IMMP2L: variants seen among roughly 807,000 people sequenced by gnomAD.
IMMP2L encodes the protein inner mitochondrial membrane peptidase subunit 2, also known as mitochondrial inner membrane protease subunit 2.
Under a neutral mutation model 19.3 loss-of-function variants are expected in IMMP2L, and 18 were observed. The ratio of observed to expected loss-of-function variants is 0.93; its 90% CI spans 0.64 to 1.38. The LOEUF (loss-of-function observed/expected upper bound fraction) is 1.38, where lower values mean the gene tolerates loss of function less well. IMMP2L is among the 40% of genes most tolerant of loss of function. The probability of loss-of-function intolerance (pLI) is 0.00; values close to 1 mark genes in which losing one functional copy is unlikely to be tolerated. For synonymous variants in IMMP2L, 76 were observed against 73.0 expected (o/e 1.04, Z -0.21); for missense variants, 233 against 218.2 (o/e 1.07, Z -0.43).
At chr7:110,798,024 A>G (rs1800980542) in intron 5 of IMMP2L, among the ~76,000 whole-genome samples, 1 of 152,028 alleles carries the variant, frequency 6.6e-6, no homozygotes, top group Non-Finnish European at 1.5e-5. Context: ...AAGAAATGCC[A>G]AAGTATAAGA....
At chr7:110,942,470 T>A (rs567144204) in intron 4 of IMMP2L, among the ~76,000 whole-genome samples, 1 of 151,914 alleles carries the variant, frequency 6.6e-6, no homozygotes, top group Non-Finnish European at 1.5e-5. Flanking sequence ...TTAATTAAAG[T>A]TTAACTGCTG....
chr7:111,316,807 A>G (rs1336745108), intron 3 of IMMP2L, among the ~76,000 whole-genome samples: 2 of 147,682 alleles, frequency 1.4e-5, no homozygotes, highest in Non-Finnish European at 3.0e-5. Flanking sequence ...TCTCACAACA[A>G]CCCAATGAGA....
At chr7:111,019,599 C>T (rs1348437397) in intron 3 of IMMP2L, among the ~76,000 whole-genome samples, 1 of 152,200 alleles carries the variant, frequency 6.6e-6, no homozygotes, top group East Asian at 1.9e-4. Context: ...ACAAGGTCTT[C>T]TGTCTTCCTT....
chr7:111,411,549 C>A, intron 3 of IMMP2L: 1 of 362,852 alleles, frequency 2.8e-6, no homozygotes, highest in South Asian at 2.4e-5. Context: ...ATCTACAAGA[C>A]CCCAGCAGGC....
chr7:111,031,231 T>C (rs1223250060), intron 3 of IMMP2L, among the ~76,000 whole-genome samples: 1 of 152,042 alleles, frequency 6.6e-6, no homozygotes, highest in Non-Finnish European at 1.5e-5. Flanking sequence ...GCAATGAGCA[T>C]ACCTAGTGCC....
chr7:111,202,135 C>G (rs1045764300), intron 3 of IMMP2L, among the ~76,000 whole-genome samples: 8 of 152,256 alleles, frequency 5.3e-5, no homozygotes, highest in Non-Finnish European at 1.0e-4. Flanking sequence ...ACCCATCATT[C>G]AAAGCGTAAT....
At chr7:110,721,213 C>T (rs1359252020) in intron 5 of IMMP2L, among the ~76,000 whole-genome samples, 1 of 151,846 alleles carries the variant, frequency 6.6e-6, no homozygotes. Context: ...GGGACAGATA[C>T]CATCTTTATG....
intron 3 of IMMP2L, among the ~76,000 whole-genome samples, chr7:111,096,179 T>C (rs2129578795): frequency 6.6e-6 from 1 of 151,986 alleles, no homozygotes; most frequent in Middle Eastern, 3.4e-3. Flanking sequence ...CACAACAATC[T>C]GGTGAAGTAG....
chr7:111,085,993 G>A (rs775604217), intron 3 of IMMP2L, among the ~76,000 whole-genome samples: 6 of 151,958 alleles, frequency 3.9e-5, no homozygotes, highest in Non-Finnish European at 5.9e-5. Context: ...GGAGGGGGAG[G>A]ATCAGAAAAA....
intron 3 of IMMP2L, among the ~76,000 whole-genome samples, chr7:111,330,165 AAAGAG>A (rs949219424): frequency 6.6e-6 from 1 of 151,710 alleles, no homozygotes; most frequent in African/African-American, 2.4e-5. Flanking sequence ...CACAGAAAGA[AAAGAG>A]AAGAAAAATA....
intron 1 of IMMP2L, among the ~76,000 whole-genome samples, chr7:111,527,429 G>T (rs947398452): frequency 1.4e-5 from 2 of 145,194 alleles, no homozygotes; most frequent in African/African-American, 5.0e-5. Context: ...AAAAGGGGGG[G>T]GGGGTAGATT....
chr7:111,102,855 A>G (rs1440365089), intron 3 of IMMP2L, among the ~76,000 whole-genome samples: 1 of 151,552 alleles, frequency 6.6e-6, no homozygotes. Context: ...AATAATTACA[A>G]TCTTTGAAAT....
intron 3 of IMMP2L, among the ~76,000 whole-genome samples, chr7:111,015,762 A>G (rs980295376): frequency 3.9e-5 from 6 of 152,136 alleles, no homozygotes; most frequent in Non-Finnish European, 8.8e-5. Flanking sequence ...TATTGCGGAC[A>G]GTCCCAGAAC....
chr7:110,862,586 T>A (rs1475574924), intron 5 of IMMP2L, among the ~76,000 whole-genome samples: 1 of 151,714 alleles, frequency 6.6e-6, no homozygotes, highest in African/African-American at 2.4e-5. Flanking sequence ...CCTCAAGTGA[T>A]CCTCCTGCCT....
At chr7:111,267,546 C>T (rs985533252) in intron 3 of IMMP2L, among the ~76,000 whole-genome samples, 6 of 152,072 alleles carry the variant, frequency 3.9e-5, no homozygotes, top group African/African-American at 1.4e-4. Flanking sequence ...AACAGTGACT[C>T]CATGCCCTAA....
At chr7:110,761,807 C>A (rs968991968) in intron 5 of IMMP2L, among the ~76,000 whole-genome samples, 1 of 152,200 alleles carries the variant, frequency 6.6e-6, no homozygotes, top group Non-Finnish European at 1.5e-5. Context: ...ACATCTATGC[C>A]ATGCTGAGTA....
intron 3 of IMMP2L, among the ~76,000 whole-genome samples, chr7:111,058,992 A>C (rs575967423): frequency 6.7e-6 from 1 of 148,758 alleles, no homozygotes; most frequent in East Asian, 2.0e-4. Context: ...TTATTTATTT[A>C]TTTATTTTGA....
intron 5 of IMMP2L, among the ~76,000 whole-genome samples, chr7:110,872,595 CTACAGGTAGA>C (rs1585095358): frequency 6.6e-6 from 1 of 152,116 alleles, no homozygotes; most frequent in African/African-American, 2.4e-5. Flanking sequence ...ATTGGTTGGT[CTACAGGTAGA>C]TACCTGATCC....
At chr7:110,691,585 T>C (rs1274493095) in intron 5 of IMMP2L, among the ~76,000 whole-genome samples, 3 of 152,032 alleles carry the variant, frequency 2.0e-5, no homozygotes, top group South Asian at 2.1e-4. Context: ...ATATCCATAA[T>C]CTACAAGAAA....
Sources: allele counts gnomAD v4.1 joint callset (sites outside exome capture counted in the v4.1 genomes callset), GRCh38; gene constraint gnomAD v4.1.1; transcripts MANE v1.5; gene names NCBI Gene and HGNC (gene_info 2026-07-23, HGNC 2026-07-21).